LOC122539214: variants seen among roughly 807,000 people sequenced by gnomAD.
the LOC122539214 span, among the ~76,000 whole-genome samples, chr19:52,659,300 C>T: frequency 1.3e-5 from 2 of 152,058 alleles, no homozygotes; most frequent in Non-Finnish European, 2.9e-5. Flanking sequence ...AGAAGGATTT[C>T]GTGGTCAAGC....
the LOC122539214 span, among the ~76,000 whole-genome samples, chr19:52,671,601 C>G: frequency 6.6e-6 from 1 of 152,214 alleles, no homozygotes; most frequent in South Asian, 2.1e-4. Context: ...CACCACCAAG[C>G]CTGGCTAATT....
the LOC122539214 span, among the ~76,000 whole-genome samples, chr19:52,686,929 C>G: frequency 6.6e-6 from 1 of 151,910 alleles, no homozygotes; most frequent in African/African-American, 2.4e-5. Flanking sequence ...CATCTGTAAT[C>G]CCAGCACTTT....
At chr19:52,671,804 T>C in the LOC122539214 span, among the ~76,000 whole-genome samples, 1 of 152,230 alleles carries the variant, frequency 6.6e-6, no homozygotes, top group Non-Finnish European at 1.5e-5. Flanking sequence ...CAGGTGGGAA[T>C]AACAAAGGCT....
chr19:52,684,482 G>A, the LOC122539214 span, among the ~76,000 whole-genome samples: 1 of 150,736 alleles, frequency 6.6e-6, no homozygotes, highest in Non-Finnish European at 1.5e-5. Context: ...CTAGGAGACA[G>A]AGATTGCAGT....
chr19:52,657,115 C>A, the LOC122539214 span, among the ~76,000 whole-genome samples: 1 of 148,514 alleles, frequency 6.7e-6, no homozygotes, highest in East Asian at 2.1e-4. Context: ...GACCCTATCA[C>A]CCCCACCCTC....
chr19:52,677,373 C>A, the LOC122539214 span, among the ~76,000 whole-genome samples: 2 of 150,406 alleles, frequency 1.3e-5, no homozygotes, highest in African/African-American at 4.9e-5. Flanking sequence ...GTAATCCCAG[C>A]TACTCAGGAG....
At chr19:52,690,470 G>C in the LOC122539214 span, 1 of 187,658 alleles carries the variant, frequency 5.3e-6, no homozygotes, top group Admixed American at 5.6e-5. Flanking sequence ...CACTCCACGC[G>C]ATCCGCTTCC....
the LOC122539214 span, chr19:52,650,686 G>T: frequency 6.6e-6 from 1 of 152,184 alleles, no homozygotes; most frequent in Non-Finnish European, 1.5e-5. Flanking sequence ...TAAAGCCAAA[G>T]TCTCAGAAAA....
the LOC122539214 span, among the ~76,000 whole-genome samples, chr19:52,657,910 G>A: frequency 1.1e-3 from 170 of 151,636 alleles, no homozygotes; most frequent in African/African-American, 3.9e-3. Flanking sequence ...GCCAAGGCGG[G>A]GGGATCACCT....
the LOC122539214 span, among the ~76,000 whole-genome samples, chr19:52,659,313 G>A: frequency 6.6e-6 from 1 of 152,160 alleles, no homozygotes; most frequent in African/African-American, 2.4e-5. Flanking sequence ...GGTCAAGCCA[G>A]TGAGTAATCA....
At chr19:52,673,459 C>T in the LOC122539214 span, among the ~76,000 whole-genome samples, 2 of 151,958 alleles carry the variant, frequency 1.3e-5, no homozygotes, top group East Asian at 3.9e-4. Context: ...GCTGAGATCG[C>T]ACCACTACAC....
the LOC122539214 span, among the ~76,000 whole-genome samples, chr19:52,690,132 G>A: frequency 4.6e-5 from 7 of 151,836 alleles, no homozygotes; most frequent in Non-Finnish European, 2.9e-5. Context: ...CACTTCGCGG[G>A]TGAGGACGTT....
At chr19:52,675,300 C>T in the LOC122539214 span, among the ~76,000 whole-genome samples, 1 of 152,242 alleles carries the variant, frequency 6.6e-6, no homozygotes, top group Non-Finnish European at 1.5e-5. Flanking sequence ...AGACTTGATC[C>T]TAGGCCTGAA....
At chr19:52,662,223 A>G in the LOC122539214 span, among the ~76,000 whole-genome samples, 1 of 152,252 alleles carries the variant, frequency 6.6e-6, no homozygotes, top group Non-Finnish European at 1.5e-5. Context: ...CATTTTAAAA[A>G]TACATGCTGT....
the LOC122539214 span, among the ~76,000 whole-genome samples, chr19:52,661,803 C>T: frequency 6.6e-6 from 1 of 152,030 alleles, no homozygotes; most frequent in African/African-American, 2.4e-5. Context: ...GGTGGGGCTG[C>T]AATGTCAAAT....
chr19:52,669,739 C>T, the LOC122539214 span, among the ~76,000 whole-genome samples: 2 of 152,134 alleles, frequency 1.3e-5, no homozygotes, highest in South Asian at 4.1e-4. Flanking sequence ...ATTCTTACTT[C>T]CCTCACAGCC....
the LOC122539214 span, among the ~76,000 whole-genome samples, chr19:52,688,597 T>C: frequency 2.0e-5 from 3 of 151,958 alleles, no homozygotes; most frequent in Admixed American, 6.6e-5. Flanking sequence ...ACCTCTCTCC[T>C]CTCCTGCTGT....
At chr19:52,673,964 C>G in the LOC122539214 span, among the ~76,000 whole-genome samples, 2 of 127,608 alleles carry the variant, frequency 1.6e-5, no homozygotes, top group African/African-American at 6.1e-5. Flanking sequence ...CGCAGTGAGT[C>G]GAGATCATGC....
chr19:52,661,324 A>G, the LOC122539214 span, among the ~76,000 whole-genome samples: 3 of 152,172 alleles, frequency 2.0e-5, no homozygotes, highest in African/African-American at 7.2e-5. Context: ...ATTTTGACCC[A>G]TTTTCAGATC....
Sources: gnomAD v4.1 joint callset for allele counts (sites outside exome capture counted in the v4.1 genomes callset) on GRCh38, gnomAD v4.1.1 for gene constraint, MANE v1.5 for transcripts.